The following EFNA5 variants were observed in gnomAD, a reference collection of about 807,000 sequenced individuals.
EFNA5 encodes the protein ephrin A5.
In EFNA5, 5 loss-of-function variants were observed where a neutral mutation model predicts 22.9. The ratio of observed to expected loss-of-function variants is 0.22; its 90% CI spans 0.11 to 0.46. The LOEUF (loss-of-function observed/expected upper bound fraction) is 0.46, where lower values mean the gene tolerates loss of function less well. Ranked by LOEUF, EFNA5 falls within the 20% of genes least tolerant of loss-of-function variation. The pLI is 0.99. For synonymous variants in EFNA5, 113 were observed against 112.2 expected (o/e 1.01, Z -0.04); for missense variants, 237 against 293.3 (o/e 0.81, Z 1.40).
At chr5:107,539,151 C>G (rs536626426) in intron 1 of EFNA5, among the ~76,000 whole-genome samples, 2 of 152,346 alleles carry the variant, frequency 1.3e-5, no homozygotes, top group East Asian at 3.9e-4. Flanking sequence ...TGGTCCTGAT[C>G]ATTTTCTCAG....
chr5:107,573,443 T>G (rs1022785529), intron 1 of EFNA5, among the ~76,000 whole-genome samples: 4 of 151,998 alleles, frequency 2.6e-5, no homozygotes, highest in Admixed American at 6.6e-5. Context: ...GCTTCTTTAC[T>G]TAATCCTGTT....
intron 1 of EFNA5, among the ~76,000 whole-genome samples, chr5:107,605,102 G>T (rs1215289060): frequency 6.6e-6 from 1 of 150,826 alleles, no homozygotes; most frequent in Non-Finnish European, 1.5e-5. Context: ...GGAAAGCCAT[G>T]TGGGACAAAT....
At chr5:107,664,540 G>GT (rs1751030122) in intron 1 of EFNA5, among the ~76,000 whole-genome samples, 1 of 152,140 alleles carries the variant, frequency 6.6e-6, no homozygotes, top group East Asian at 1.9e-4. Flanking sequence ...AAAAGAGACA[G>GT]TAATTTATTG....
At chr5:107,579,274 CTG>C (rs1311068339) in intron 1 of EFNA5, among the ~76,000 whole-genome samples, 1 of 152,188 alleles carries the variant, frequency 6.6e-6, no homozygotes, top group African/African-American at 2.4e-5. Context: ...CATTAACCAA[CTG>C]TGTGACATGG....
intron 1 of EFNA5, among the ~76,000 whole-genome samples, chr5:107,541,192 G>T (rs1270924672): frequency 6.6e-6 from 1 of 152,046 alleles, no homozygotes; most frequent in East Asian, 1.9e-4. Context: ...TATAATAAGT[G>T]ATGAAAATTA....
intron 1 of EFNA5, among the ~76,000 whole-genome samples, chr5:107,608,733 T>C (rs983677519): frequency 6.6e-6 from 1 of 152,182 alleles, no homozygotes; most frequent in African/African-American, 2.4e-5. Context: ...TCACAAAGTG[T>C]CAGCAGAGCT....
intron 1 of EFNA5, among the ~76,000 whole-genome samples, chr5:107,512,516 G>C (rs928382672): frequency 4.6e-5 from 7 of 151,764 alleles, no homozygotes; most frequent in African/African-American, 1.7e-4. Flanking sequence ...AGTCACAGAA[G>C]GCACAAAACT....
chr5:107,532,927 T>C (rs1157193739), intron 1 of EFNA5, among the ~76,000 whole-genome samples: 1 of 152,190 alleles, frequency 6.6e-6, no homozygotes, highest in East Asian at 1.9e-4. Flanking sequence ...CCCCCGGGTC[T>C]CCAGGTTGTC....
intron 1 of EFNA5, among the ~76,000 whole-genome samples, chr5:107,549,157 A>G (rs2112467081): frequency 6.6e-6 from 1 of 152,338 alleles, no homozygotes; most frequent in African/African-American, 2.4e-5. Context: ...CACATTTCAG[A>G]GTAAGAAAAA....
intron 1 of EFNA5, among the ~76,000 whole-genome samples, chr5:107,528,446 T>A (rs887788467): frequency 7.2e-5 from 11 of 152,136 alleles, no homozygotes; most frequent in Admixed American, 1.3e-4. Flanking sequence ...CTTCATAATA[T>A]TAAAAAAGGT....
chr5:107,605,638 T>C (rs377044098), intron 1 of EFNA5, among the ~76,000 whole-genome samples: 17 of 147,778 alleles, frequency 1.2e-4, no homozygotes, highest in East Asian at 6.1e-4. Context: ...TGCCAGCACC[T>C]TTCTCTTTTT....
chr5:107,559,523 CAATAT>C (rs1220491138), intron 1 of EFNA5, among the ~76,000 whole-genome samples: 2 of 152,160 alleles, frequency 1.3e-5, no homozygotes, highest in Non-Finnish European at 2.9e-5. Flanking sequence ...TTCTTCTCCA[CAATAT>C]AATTCATAAC....
intron 1 of EFNA5, among the ~76,000 whole-genome samples, chr5:107,514,418 C>A (rs967982285): frequency 1.3e-5 from 2 of 152,158 alleles, no homozygotes; most frequent in African/African-American, 4.8e-5. Context: ...GTTACTGTTT[C>A]ATGTGAACTG....
chr5:107,545,325 G>T (rs1195650619), intron 1 of EFNA5, among the ~76,000 whole-genome samples: 1 of 152,196 alleles, frequency 6.6e-6, no homozygotes, highest in African/African-American at 2.4e-5. Context: ...GATCTTATAT[G>T]TTGGGTATAT....
intron 1 of EFNA5, among the ~76,000 whole-genome samples, chr5:107,553,903 G>A (rs561249900): frequency 2.0e-5 from 3 of 152,190 alleles, no homozygotes; most frequent in Admixed American, 2.0e-4. Flanking sequence ...AGAAAAAAAA[G>A]ACAACCCCAC....
At chr5:107,514,621 C>A (rs1001706567) in intron 1 of EFNA5, among the ~76,000 whole-genome samples, 1 of 152,036 alleles carries the variant, frequency 6.6e-6, no homozygotes, top group Admixed American at 6.5e-5. Context: ...CCAATGGTAA[C>A]CCTAAAAATG....
In EFNA5 at chr5:107,602,653, T is replaced by C. The variant is rs777701158; in HGVS notation, c.125+67836A>G. Among the ~76,000 whole-genome samples the C allele has an allele frequency of 3.9e-5, 6 of 152,166 alleles. No individual in the cohort carries two copies. In the East Asian group the frequency reaches 1.2e-3, roughly 29 times the overall value. On this transcript the variant is annotated intron_variant, in intron 1 of 4. Transcript: ENST00000333274. The stretch of plus-strand genomic sequence containing the variant: ...ACACCTCACAGGCTGGGGACAGGAC[T>C]AATAATTTGACTTAATTACATGGTA...
chr5:107,487,779 G>T (rs1439035476), intron 1 of EFNA5, among the ~76,000 whole-genome samples: 1 of 152,144 alleles, frequency 6.6e-6, no homozygotes, highest in Non-Finnish European at 1.5e-5. Context: ...TGAAAACAGG[G>T]TTTGTGTCCT....
At chr5:107,433,180 C>T (rs1749009919) in intron 1 of EFNA5, among the ~76,000 whole-genome samples, 1 of 152,054 alleles carries the variant, frequency 6.6e-6, no homozygotes, top group Non-Finnish European at 1.5e-5. Context: ...CCTTAACCTC[C>T]CACATTGTTC....
Sources: gnomAD v4.1 joint callset for allele counts (sites outside exome capture counted in the v4.1 genomes callset) on GRCh38, gnomAD v4.1.1 for gene constraint, MANE v1.5 for transcripts, NCBI Gene and HGNC (gene_info 2026-07-23, HGNC 2026-07-21) for gene names.